Variants in SHROOM3 observed in about 807,000 individuals in gnomAD.
SHROOM3 encodes the protein shroom family member 3, also known as protein Shroom3.
Under a neutral mutation model 138.6 loss-of-function variants are expected in SHROOM3, and 47 were observed. The ratio of observed to expected loss-of-function variants is 0.34; its 90% CI spans 0.27 to 0.43. The LOEUF is 0.43. SHROOM3 is among the 20% of genes least tolerant of loss of function. SHROOM3 has a pLI of 1.00. For missense variants in SHROOM3, 2,491 were observed against 2,596.5 expected, an observed-to-expected ratio of 0.96 and a Z score of 0.88; for synonymous variants, 1,062 against 1,063.3, an observed-to-expected ratio of 1.00 and a Z score of 0.02.
intron 2 of SHROOM3, among the ~76,000 whole-genome samples, chr4:76,590,345 G>C (rs1021855255): frequency 6.6e-6 from 1 of 152,116 alleles, no homozygotes; most frequent in East Asian, 1.9e-4. Flanking sequence ...CGGGTGAGCC[G>C]TCTGAAGGTG....
At chr4:76,522,833 T>C (rs1214328834) in intron 1 of SHROOM3, among the ~76,000 whole-genome samples, 1 of 152,130 alleles carries the variant, frequency 6.6e-6, no homozygotes, top group Admixed American at 6.6e-5. Flanking sequence ...AAAAAGAGAT[T>C]ATATATGGCT....
chr4:76,707,703 A>G (rs2110116175), intron 2 of SHROOM3, among the ~76,000 whole-genome samples: 1 of 152,312 alleles, frequency 6.6e-6, no homozygotes, highest in South Asian at 2.1e-4. Flanking sequence ...AAACAATTCC[A>G]GGGCCCTGGT....
intron 9 of SHROOM3, among the ~76,000 whole-genome samples, chr4:76,761,402 G>C (rs1721984606): frequency 1.3e-5 from 2 of 152,176 alleles, no homozygotes; most frequent in African/African-American, 4.8e-5. Context: ...CCAAGTGTGG[G>C]CTATGTATTT....
At chr4:76,494,956 C>T (rs997398271) in intron 1 of SHROOM3, among the ~76,000 whole-genome samples, 23 of 152,188 alleles carry the variant, frequency 1.5e-4, no homozygotes, top group South Asian at 6.2e-4. Flanking sequence ...CTCAGAACCA[C>T]GAGTGAATGC....
At chr4:76,605,125 C>T (rs1458632265) in intron 2 of SHROOM3, among the ~76,000 whole-genome samples, 2 of 152,122 alleles carry the variant, frequency 1.3e-5, no homozygotes, top group Admixed American at 6.5e-5. Context: ...GCGGTAAAAG[C>T]ATCAGTATGA....
chr4:76,741,523 A>G lies in SHROOM3; in HGVS notation c.3350A>G (p.Gln1117Arg), dbSNP rs767080871. Residue 1117 changes from glutamine to arginine, a missense_variant, in exon 5 of 11, where the codon CAG (glutamine) becomes CGG (arginine). Gln to Arg is a conservative substitution (Grantham distance 43). Around this residue, in one of 4 missense-constraint regions of SHROOM3, gnomAD observed 1,733 missense variants for 1,661.6 expected, o/e 1.04. Transcript: ENST00000296043. The surrounding 1 kb of genome is among the most constrained non-coding windows in gnomAD (Gnocchi z 6.2). ...QEPGPLRERAQSAYLQPGPAA... is the reference protein window; with the variant it reads ...QEPGPLRERARSAYLQPGPAA... ...CCCGGGCCACTGCGTGAGCGCGCCCAGAGTGCCTACCTCCAGCCCGGCCCC... is the reference window on the plus strand; with the variant it reads ...CCCGGGCCACTGCGTGAGCGCGCCCGGAGTGCCTACCTCCAGCCCGGCCCC... 8 of 1,554,342 alleles carry G rather than the reference A, an allele frequency of 5.1e-6. No individual in the cohort carries two copies. Among genetic ancestry groups the G allele is most frequent in the African/African-American group, 1.4e-5 (1 of 73,804 alleles).
chr4:76,714,243 A>G (rs570127614), intron 3 of SHROOM3, among the ~76,000 whole-genome samples: 1 of 152,254 alleles, frequency 6.6e-6, no homozygotes, highest in African/African-American at 2.4e-5. Context: ...TTTCCCATTA[A>G]TGTCCTGTTT....
At chr4:76,742,086 G>A (rs1185264988) in intron 5 of SHROOM3, 160 bp downstream of exon 5, 6 of 941,396 alleles carry the variant, frequency 6.4e-6, no homozygotes, top group East Asian at 2.6e-5. Context: ...AGTTTCTCAA[G>A]TGTCCCTTAC....
chr4:76,719,578 C>T (rs1483341796), intron 3 of SHROOM3, among the ~76,000 whole-genome samples: 1 of 152,032 alleles, frequency 6.6e-6, no homozygotes, highest in East Asian at 1.9e-4. Flanking sequence ...CAGATGTTGA[C>T]ATGTAGGAAG....
At position 76,463,986 on chromosome 4, in the gene SHROOM3, C is replaced by T. The variant is rs181547959; in HGVS notation, c.168+27766C>T. 7.9e-4 allele frequency among the ~76,000 whole-genome samples: 120 copies of T among 152,336 alleles called. 1 individual carries two copies. Among genetic ancestry groups the T allele is most frequent in the Middle Eastern group, 3.4e-3 (1 of 294 alleles). On this transcript the variant is annotated intron_variant, in intron 1 of 10. Coordinates refer to ENST00000296043, the MANE Select transcript of SHROOM3 (RefSeq NM_020859.4). ...ACTAGGGCAGTGCAGAAGGGAAATG[C>T]GGCATCAGAGTCCCCACACAGAGTC...
At chr4:76,634,164 G>A (rs1735424152) in intron 2 of SHROOM3, among the ~76,000 whole-genome samples, 1 of 152,004 alleles carries the variant, frequency 6.6e-6, no homozygotes, top group Non-Finnish European at 1.5e-5. Context: ...AAAGCATTTT[G>A]GTATTTTTCT....
intron 1 of SHROOM3, among the ~76,000 whole-genome samples, chr4:76,472,124 C>A (rs891603474): frequency 2.0e-5 from 3 of 152,102 alleles, no homozygotes; most frequent in Non-Finnish European, 4.4e-5. Flanking sequence ...AATACTAGCT[C>A]ATTTATTATT....
At chr4:76,636,886 T>C (rs1276915290) in intron 2 of SHROOM3, among the ~76,000 whole-genome samples, 1 of 152,272 alleles carries the variant, frequency 6.6e-6, no homozygotes, top group Non-Finnish European at 1.5e-5. Flanking sequence ...CTTGTTTTTA[T>C]TAATCTTTCT....
chr4:76,606,407 T>A (rs1734621974), intron 2 of SHROOM3, among the ~76,000 whole-genome samples: 1 of 152,060 alleles, frequency 6.6e-6, no homozygotes, highest in South Asian at 2.1e-4. Context: ...GTTGGTTTTT[T>A]ATCTGTAAAA....
chr4:76,598,143 T>C (rs374629043), intron 2 of SHROOM3, among the ~76,000 whole-genome samples: 6 of 152,010 alleles, frequency 3.9e-5, no homozygotes, highest in East Asian at 1.9e-4. Context: ...TCTCCTGCCT[T>C]AGCCTACCGA....
At chr4:76,674,720 A>T (rs1718982025) in intron 2 of SHROOM3, among the ~76,000 whole-genome samples, 1 of 151,830 alleles carries the variant, frequency 6.6e-6, no homozygotes, top group African/African-American at 2.4e-5. Context: ...ATGCCCAGCT[A>T]ATTTTTGCAT....
chr4:76,456,517 G>A (rs980490358), intron 1 of SHROOM3, among the ~76,000 whole-genome samples: 3 of 152,118 alleles, frequency 2.0e-5, no homozygotes, highest in African/African-American at 4.8e-5. Flanking sequence ...TGCACATGAC[G>A]AACATACTGT....
chr4:76,728,077 G>A (rs1304829877), intron 3 of SHROOM3, among the ~76,000 whole-genome samples: 1 of 152,076 alleles, frequency 6.6e-6, no homozygotes, highest in Non-Finnish European at 1.5e-5. Flanking sequence ...TCAGGATGCT[G>A]AGGTACAAGA....
chr4:76,779,199 A>G lies in SHROOM3; in HGVS notation c.*22A>G, dbSNP rs199995590. 7.6e-4 allele frequency: 1,194 copies of G among 1,579,860 alleles called. 12 individuals carry two copies. Among genetic ancestry groups the G allele is most frequent in the Non-Finnish European group, 1.0e-4 (120 of 1,162,822 alleles). ...TTAACCTCTTCTAAAATACCCAACC[A>G]AAAGATCACTGTTTCTCTCAACACT... is the stretch of plus-strand genomic sequence containing the variant. On this transcript the variant is annotated 3_prime_UTR_variant, in exon 11 of 11. Transcript: ENST00000296043.
Sources: gnomAD v4.1 joint callset for allele counts (sites outside exome capture counted in the v4.1 genomes callset) on GRCh38, gnomAD v4.1.1 for gene constraint, gnomAD v4.1.1 regional missense constraint, Gnocchi (gnomAD v3.1) non-coding constraint, MANE v1.5 for transcripts, NCBI Gene and HGNC (gene_info 2026-07-23, HGNC 2026-07-21) for gene names.